LRRC9: variants seen among roughly 807,000 people sequenced by gnomAD.
LRRC9 encodes leucine rich repeat containing 9, also known as leucine-rich repeat-containing protein 9.
Under a neutral mutation model 63.2 loss-of-function variants are expected in LRRC9, and 122 were observed. The observed-to-expected ratio is 1.93, with a 90% CI of 1.67 to 2.24. The LOEUF is 2.24. LRRC9 is among the 30% of genes most tolerant of loss of function. LRRC9 has a pLI of 0.00. For synonymous variants in LRRC9, 366 were observed against 213.1 expected (o/e 1.72, Z -6.25); for missense variants, 1,071 against 627.7 (o/e 1.71, Z -7.55).
chr14:59,984,492 C>T (rs1468597428), intron 16 of LRRC9, among the ~76,000 whole-genome samples: 2 of 152,172 alleles, frequency 1.3e-5, no homozygotes, highest in Non-Finnish European at 2.9e-5. Flanking sequence ...AACATATAGG[C>T]ATCAGGATCT....
chr14:60,035,821 C>T (rs908468202), intron 29 of LRRC9, among the ~76,000 whole-genome samples: 2 of 152,030 alleles, frequency 1.3e-5, no homozygotes, highest in Admixed American at 6.6e-5. Context: ...TTTGGCTATT[C>T]GGGAACATTT....
At chr14:60,036,531 A>C (rs1284391444) in intron 29 of LRRC9, among the ~76,000 whole-genome samples, 1 of 152,174 alleles carries the variant, frequency 6.6e-6, no homozygotes, top group Non-Finnish European at 1.5e-5. Flanking sequence ...AATTTGTAGA[A>C]TGTCCTTCAA....
exon 3 of LRRC9, chr14:59,928,271 T>C: frequency 1.7e-6 from 1 of 588,098 alleles, no homozygotes; most frequent in Non-Finnish European, 3.0e-6. Flanking sequence ...AAAACAGTGT[T>C]TGTGCAATGG....
intron 16 of LRRC9, among the ~76,000 whole-genome samples, chr14:59,983,118 C>T (rs1416631452): frequency 6.6e-6 from 1 of 152,212 alleles, no homozygotes; most frequent in Admixed American, 6.5e-5. Context: ...CTGACCTAGA[C>T]TATTACCCCA....
chr14:59,939,018 T>C (rs572101310), intron 7 of LRRC9, among the ~76,000 whole-genome samples: 94 of 116,182 alleles, frequency 8.1e-4, no homozygotes, highest in Non-Finnish European at 1.2e-3. Context: ...TATACACATA[T>C]ATATATACAT....
chr14:59,999,222 C>G lies in LRRC9; in HGVS notation c.2525C>G (p.Thr842Ser). ...AAATTTATTGCAGGAACAAGGATTA[C>G]TCAGGTTGGATTTTACTGTTTACTA... Residue 842 changes from threonine to serine, a missense_variant, in exon 19 of 32, where the codon ACT becomes AGT. Physicochemically the swap from Thr to Ser is moderately conservative, Grantham distance 58. Transcript: ENST00000445360. 4.3e-6 allele frequency: 3 copies of G among 699,508 alleles called. No homozygotes were observed. The South Asian group carries it at 4.5e-5, about 10-fold the overall frequency. The allele number at this position is 699,508 out of a possible 1,614,324, so 43.3% of individuals were successfully genotyped here.
chr14:59,965,811 A>G (rs933983447), intron 10 of LRRC9, among the ~76,000 whole-genome samples: 1 of 135,648 alleles, frequency 7.4e-6, no homozygotes, highest in Non-Finnish European at 1.5e-5. Flanking sequence ...TGAACCCGGG[A>G]GGCGGAGATT....
intron 1 of LRRC9, among the ~76,000 whole-genome samples, chr14:59,925,024 G>C (rs998670372): frequency 2.6e-5 from 4 of 151,186 alleles, no homozygotes; most frequent in Admixed American, 2.6e-4. Flanking sequence ...CTTATCATCT[G>C]ATAAGGTCCT....
chr14:59,932,024 A>G lies in LRRC9; in HGVS notation c.528A>G (p.Gln176=). 1.4e-6 allele frequency: 1 copy of G among 700,130 alleles called. No homozygotes were observed. The highest frequency in any genetic ancestry group is 2.7e-5 in the East Asian group (1 of 37,108). The allele number at this position is 700,130 out of a possible 1,614,324, so 43.4% of individuals were successfully genotyped here. ...AAAGATTAAACCTTTCTGGTAACCA[A>G]ATATGTTCTTTCAAGGTATGTTTAA... is the stretch of plus-strand genomic sequence containing the variant. Residue 176 remains glutamine (Q), a synonymous_variant, in exon 6 of 32, where the codon CAA becomes CAG. Coordinates refer to ENST00000445360, the Ensembl canonical transcript of LRRC9. The surrounding 1 kb of genome is among the most constrained non-coding windows in gnomAD (Gnocchi z 4.7).
intron 17 of LRRC9, among the ~76,000 whole-genome samples, chr14:59,995,466 G>A (rs219361): frequency 1.3e-5 from 2 of 152,038 alleles, no homozygotes; most frequent in African/African-American, 4.8e-5. Flanking sequence ...AGATAGCTAA[G>A]CTACATTTAG....
At chr14:59,949,152 G>A (rs1320465249) in intron 8 of LRRC9, among the ~76,000 whole-genome samples, 1 of 141,668 alleles carries the variant, frequency 7.1e-6, no homozygotes, top group Non-Finnish European at 1.5e-5. Context: ...ACTCTTTTTG[G>A]TTGGTAAACT....
At chr14:60,021,668 A>T (rs575857524) in intron 26 of LRRC9, among the ~76,000 whole-genome samples, 2 of 151,952 alleles carry the variant, frequency 1.3e-5, no homozygotes, top group African/African-American at 4.8e-5. Context: ...GTATGTTGTG[A>T]GGTAGGAGTG....
Position 59,948,451 on chromosome 14 carries a change from C to T in LRRC9, c.882+3707C>T, listed in dbSNP as rs1882713529. On this transcript the variant is annotated intron_variant, in intron 8 of 31. Coordinates refer to ENST00000445360, the Ensembl canonical transcript of LRRC9. Reference sequence around the variant, plus strand: ...TCTAGATAAACAATCATGTCATCTGCAAACAGGGACAATTTGACTTCCTCT... The same window carrying T: ...TCTAGATAAACAATCATGTCATCTGTAAACAGGGACAATTTGACTTCCTCT... 6.6e-5 allele frequency among the ~76,000 whole-genome samples: 9 copies of T among 135,988 alleles called. No individual in the cohort carries two copies. In the South Asian group the frequency reaches 2.2e-3, roughly 34 times the overall value. 89.2% of individuals were successfully genotyped at this position (135,988 alleles called of 152,430 possible). A position where few individuals can be genotyped will look rare whatever the true frequency, so the allele number is the denominator to read the frequency against.
At chr14:60,001,784 C>A (rs1308149378) in intron 19 of LRRC9, among the ~76,000 whole-genome samples, 182 bp from the exon 20 acceptor site, 1 of 152,002 alleles carries the variant, frequency 6.6e-6, no homozygotes, top group Non-Finnish European at 1.5e-5. Flanking sequence ...TTTGCTAAAA[C>A]AAGAAACAAT....
At chr14:59,997,049 A>G (rs535601680) in intron 17 of LRRC9, among the ~76,000 whole-genome samples, 21 of 152,286 alleles carry the variant, frequency 1.4e-4, no homozygotes, top group Middle Eastern at 3.4e-3. Flanking sequence ...TGTTTTACAT[A>G]AGAAAAAATA....
intron 23 of LRRC9, among the ~76,000 whole-genome samples, chr14:60,014,379 G>T (rs556155155): frequency 6.6e-6 from 1 of 151,766 alleles, no homozygotes; most frequent in Non-Finnish European, 1.5e-5. Context: ...GGCATTCCAA[G>T]ATTCCTTTTT....
intron 8 of LRRC9, among the ~76,000 whole-genome samples, chr14:59,956,122 G>A (rs1161182523): frequency 6.6e-6 from 1 of 152,048 alleles, no homozygotes; most frequent in Non-Finnish European, 1.5e-5. Context: ...TCTTGATTTG[G>A]GGTGGAGAGT....
intron 7 of LRRC9, among the ~76,000 whole-genome samples, chr14:59,940,100 A>G (rs146219472): frequency 2.1e-3 from 314 of 152,194 alleles, no homozygotes; most frequent in Non-Finnish European, 3.3e-3. Flanking sequence ...TGAGATTCTC[A>G]TACATTTGGT....
At chr14:59,934,820 T>C (rs1334501488) in intron 6 of LRRC9, among the ~76,000 whole-genome samples, 3 of 152,076 alleles carry the variant, frequency 2.0e-5, no homozygotes, top group Non-Finnish European at 4.4e-5. Context: ...ACCTTTGAAA[T>C]AATTCTTACT....
Sources: gnomAD v4.1 joint callset for allele counts (sites outside exome capture counted in the v4.1 genomes callset) on GRCh38, gnomAD v4.1.1 for gene constraint, Gnocchi (gnomAD v3.1) non-coding constraint, MANE v1.5 for transcripts, NCBI Gene and HGNC (gene_info 2026-07-23, HGNC 2026-07-21) for gene names.